The following FAM114A2 variants were observed in gnomAD, a reference collection of about 807,000 sequenced individuals.
The protein encoded by FAM114A2 is family with sequence similarity 114 member A2, also known as protein FAM114A2.
Under a neutral mutation model 58.4 loss-of-function variants are expected in FAM114A2, and 53 were observed. The observed-to-expected ratio is 0.91, with a 90% CI of 0.73 to 1.14. The LOEUF is 1.14. FAM114A2 is among the 50% of genes most tolerant of loss of function. FAM114A2 has a pLI of 0.00. For synonymous variants in FAM114A2, 228 were observed against 211.4 expected, an observed-to-expected ratio of 1.08 and a Z score of -0.68; for missense variants, 601 against 581.1, an observed-to-expected ratio of 1.03 and a Z score of -0.35.
At chr5:154,029,168 T>C (rs1330110086) in intron 5 of FAM114A2, among the ~76,000 whole-genome samples, 1 of 152,156 alleles carries the variant, frequency 6.6e-6, no homozygotes, top group Non-Finnish European at 1.5e-5. Context: ...GAGAAAAATA[T>C]TTTTGTAAAG....
chr5:154,011,941 T>C (rs180937339), intron 8 of FAM114A2, among the ~76,000 whole-genome samples: 175 of 152,240 alleles, frequency 1.1e-3, no homozygotes, highest in African/African-American at 3.9e-3. Context: ...ATAAAGGCCA[T>C]ATAATCGATG....
intron 9 of FAM114A2, among the ~76,000 whole-genome samples, chr5:154,007,182 C>A (rs1770410182): frequency 6.6e-6 from 1 of 152,106 alleles, no homozygotes; most frequent in Admixed American, 6.6e-5. Context: ...AACTATTGTG[C>A]CAACTCAAGG....
chr5:154,022,128 T>C (rs1254736724), intron 8 of FAM114A2, among the ~76,000 whole-genome samples: 1 of 152,138 alleles, frequency 6.6e-6, no homozygotes, highest in Non-Finnish European at 1.5e-5. Flanking sequence ...CCTTACACCT[T>C]ATACAAAAAT....
chr5:153,996,207 T>C (rs998399748), intron 12 of FAM114A2, among the ~76,000 whole-genome samples: 10 of 152,222 alleles, frequency 6.6e-5, no homozygotes, highest in Admixed American at 5.2e-4. Context: ...ACATACAAAT[T>C]AATGGACTAA....
intron 11 of FAM114A2, 130 bp from the exon 12 acceptor site, chr5:153,998,005 T>C: frequency 1.7e-6 from 1 of 580,956 alleles, no homozygotes; most frequent in Admixed American, 3.1e-5. Flanking sequence ...TTCAAGGGAG[T>C]AAATACAGTA....
At chr5:154,034,026 T>C (rs1772369434) in intron 3 of FAM114A2, 143 bp from the exon 4 acceptor site, 2 of 664,662 alleles carry the variant, frequency 3.0e-6, no homozygotes, top group Non-Finnish European at 5.3e-6. Flanking sequence ...CACTATTTCC[T>C]TAAAAAAATT....
chr5:154,025,885 T>G (rs979096610), intron 8 of FAM114A2, among the ~76,000 whole-genome samples: 2 of 152,176 alleles, frequency 1.3e-5, no homozygotes, highest in Non-Finnish European at 2.9e-5. Context: ...ACATTTACAT[T>G]TTCTGAGAAA....
At position 154,027,179 on chromosome 5, in the gene FAM114A2, T is replaced by C; in HGVS notation, c.786A>G (p.Ile262Met). Reference protein sequence around the residue: ...ALEMLSQESEIKVKSILNSLS... With the variant: ...ALEMLSQESEMKVKSILNSLS... ...TGAGATTTTGGCTTGGAATTACCTT[T>C]ATTTCACTTTCTTGGGAAAGCATCT... Residue 262 changes from isoleucine (I) to methionine (M), a missense_variant, in exon 7 of 14, where the codon ATA becomes ATG. Ile to Met is a conservative substitution (Grantham distance 10). Transcript: ENST00000351797. 1 of 1,608,234 alleles carries C rather than the reference T, an allele frequency of 6.2e-7. No homozygotes were observed. Among genetic ancestry groups the C allele is most frequent in the East Asian group, 2.2e-5 (1 of 44,828 alleles).
chr5:154,009,388 A>G lies in FAM114A2; in HGVS notation c.993+1853T>C, dbSNP rs147464580. On this transcript the variant is annotated intron_variant, in intron 9 of 13. Transcript: ENST00000351797. ...CTCCATGAAAGCATACTGATAACAA[A>G]TTAAAAAAAGAACAAAATGGGGGAG... Among the ~76,000 whole-genome samples, 6 of 152,344 alleles carry G rather than the reference A, an allele frequency of 3.9e-5. No individual in the cohort carries two copies. The East Asian group carries it at 1.2e-3, about 29-fold the overall frequency.
intron 8 of FAM114A2, among the ~76,000 whole-genome samples, chr5:154,018,374 C>G (rs1771185646): frequency 6.6e-6 from 1 of 151,742 alleles, no homozygotes; most frequent in Non-Finnish European, 1.5e-5. Context: ...AATTAGATAC[C>G]CTGAACAAAC....
chr5:154,001,103 G>A (rs901197305), intron 11 of FAM114A2, among the ~76,000 whole-genome samples: 10 of 152,132 alleles, frequency 6.6e-5, no homozygotes, highest in Non-Finnish European at 1.5e-4. Flanking sequence ...CAGTGAACAA[G>A]AAAAGTCCCA....
chr5:153,997,923 A>T lies in FAM114A2; in HGVS notation c.1257-48T>A, dbSNP rs370944255. On this transcript the variant is annotated intron_variant, in intron 11 of 13. Coordinates refer to ENST00000351797, the MANE Select transcript of FAM114A2 (RefSeq NM_018691.4). Reference sequence around the variant, plus strand: ...GAAACGTTTTTTCTTTTTTTAAAAAAATAAGTTATATTTAACAATTGTCAG... The same window carrying T: ...GAAACGTTTTTTCTTTTTTTAAAAATATAAGTTATATTTAACAATTGTCAG... 8.3e-5 allele frequency: 93 copies of T among 1,116,782 alleles called. No individual in the cohort carries two copies. The African/African-American group carries it at 1.3e-3, about 15-fold the overall frequency. The allele number at this position is 1,116,782 out of a possible 1,614,324, so 69.2% of individuals were successfully genotyped here.
chr5:154,028,653 G>A (rs796239510), intron 5 of FAM114A2, among the ~76,000 whole-genome samples: 25 of 152,260 alleles, frequency 1.6e-4, no homozygotes, highest in African/African-American at 6.0e-4. Context: ...TAAATAAAAC[G>A]TGACAAAGCT....
chr5:153,995,030 G>A (rs1769467611), intron 12 of FAM114A2, 58 bp from the exon 13 acceptor site: 1 of 1,074,992 alleles, frequency 9.3e-7, no homozygotes, highest in Non-Finnish European at 1.5e-6. Context: ...AGTAAGTGGA[G>A]TACGATCACA....
intron 7 of FAM114A2, among the ~76,000 whole-genome samples, 169 bp from the exon 8 acceptor site, chr5:154,026,691 A>C (rs780803751): frequency 6.6e-5 from 10 of 152,182 alleles, no homozygotes; most frequent in Non-Finnish European, 1.0e-4. Flanking sequence ...TTATGACAGA[A>C]AGGTAGGGAG....
intron 8 of FAM114A2, among the ~76,000 whole-genome samples, chr5:154,019,255 G>A (rs978236567): frequency 6.6e-6 from 1 of 152,048 alleles, no homozygotes; most frequent in African/African-American, 2.4e-5. Flanking sequence ...TGACCAAGCA[G>A]AGAATCAAAT....
chr5:154,029,648 T>C, intron 4 of FAM114A2, 68 bp from the exon 5 acceptor site: 1 of 843,360 alleles, frequency 1.2e-6, no homozygotes, highest in Admixed American at 2.3e-5. Context: ...TATTAGCATC[T>C]ATGTGAATTT....
intron 9 of FAM114A2, among the ~76,000 whole-genome samples, chr5:154,007,566 T>C (rs1770436904): frequency 6.6e-6 from 1 of 152,194 alleles, no homozygotes; most frequent in East Asian, 1.9e-4. Context: ...ATCTGAAGAT[T>C]GCTTTCAGAG....
At chr5:154,033,914 ATT>A (rs775234019) in intron 3 of FAM114A2, 31 bp from the exon 4 acceptor site, 1 of 1,384,462 alleles carries the variant, frequency 7.2e-7, no homozygotes, top group Non-Finnish European at 1.0e-6. Flanking sequence ...TTTTTTTGCT[ATT>A]TGTCACCAAA....
Sources: allele counts gnomAD v4.1 joint callset (sites outside exome capture counted in the v4.1 genomes callset), GRCh38; gene constraint gnomAD v4.1.1; transcripts MANE v1.5; gene names NCBI Gene and HGNC (gene_info 2026-07-23, HGNC 2026-07-21).